Variants in THAP5 observed in about 807,000 individuals in gnomAD.
The protein encoded by THAP5 is THAP domain containing 5, also known as THAP domain-containing protein 5.
Under a neutral mutation model 34.0 loss-of-function variants are expected in THAP5, and 26 were observed. That is an observed-to-expected ratio of 0.77 (90% CI 0.56 to 1.06). The LOEUF (loss-of-function observed/expected upper bound fraction) is 1.06, where lower values mean the gene tolerates loss of function less well. Ranked by LOEUF, THAP5 falls within the 50% of genes least tolerant of loss-of-function variation. The probability of loss-of-function intolerance (pLI) is 0.00; values close to 1 mark genes in which losing one functional copy is unlikely to be tolerated. For missense variants in THAP5, 394 were observed against 452.8 expected (o/e 0.87, Z 1.18); for synonymous variants, 125 against 153.0 (o/e 0.82, Z 1.35).
Position 108,563,707 on chromosome 7 carries a change from G to C in THAP5, c.*484C>G, listed in dbSNP as rs1401979226. The C allele has an allele frequency of 6.6e-6, 1 of 152,372 alleles. No homozygotes were observed. The highest frequency in any genetic ancestry group is 2.4e-5 in the African/African-American group (1 of 41,316). 9.4% of individuals were successfully genotyped at this position (152,372 alleles called of 1,614,324 possible). Reference sequence around the variant, plus strand: ...AATTCTAGCCAACTTCTAGTATTACGTATATATTATCTTACAGAAAATGTG... The same window carrying C: ...AATTCTAGCCAACTTCTAGTATTACCTATATATTATCTTACAGAAAATGTG... On this transcript the variant is annotated 3_prime_UTR_variant, in exon 3 of 3. Coordinates refer to ENST00000415914, the MANE Select transcript of THAP5 (RefSeq NM_001130475.3).
At chr7:108,542,395 A>G in the THAP5 span, among the ~76,000 whole-genome samples, 1 of 152,166 alleles carries the variant, frequency 6.6e-6, no homozygotes, top group Non-Finnish European at 1.5e-5. Context: ...GCATTTTATT[A>G]TATTTCACAA....
intron 1 of THAP5, chr7:108,569,172 A>C: frequency 8.2e-7 from 1 of 1,224,094 alleles, no homozygotes; most frequent in Non-Finnish European, 1.0e-6. Flanking sequence ...AATGGTGGTT[A>C]ATGTTGTTCA....
At chr7:108,548,390 TAAAG>T in the THAP5 span, among the ~76,000 whole-genome samples, 1 of 151,846 alleles carries the variant, frequency 6.6e-6, no homozygotes, top group African/African-American at 2.4e-5. Flanking sequence ...AAAAAACAAG[TAAAG>T]AAGCAATAAT....
Position 108,564,951 on chromosome 7 carries a change from A to T in THAP5, c.428T>A (p.Leu143His). ...TDVPHQHPELLHSSSLVKPPA... is the reference protein window; with the variant it reads ...TDVPHQHPELHHSSSLVKPPA... The stretch of plus-strand genomic sequence containing the variant: ...TGGCTTTACCAAGGAAGATGAATGA[A>T]GTAATTCTGGATGTTGATGGGGCAC... The change falls in exon 3 of 3, where the codon CTT becomes CAT. Residue 143 changes from leucine to histidine, a missense_variant. Coordinates refer to ENST00000415914, the MANE Select transcript of THAP5 (RefSeq NM_001130475.3). 1 of 1,562,052 alleles carries T rather than the reference A, an allele frequency of 6.4e-7. No homozygotes were observed. The highest frequency in any genetic ancestry group is 8.7e-7 in the Non-Finnish European group (1 of 1,150,812).
At chr7:108,560,020 A>G (rs1864415131), downstream of THAP5, among the ~76,000 whole-genome samples, 1 of 152,202 alleles carries the variant, frequency 6.6e-6, no homozygotes, top group African/African-American at 2.4e-5. Flanking sequence ...TCTTCAGGTT[A>G]TTTCAGAATT....
At chr7:108,554,557 A>G (rs529815482) in exon 2 of THAP5, 4 of 152,344 alleles carry the variant, frequency 2.6e-5, no homozygotes, top group African/African-American at 9.6e-5. Context: ...ATGGAAATTA[A>G]TAACACTTTA....
Position 108,569,683 on chromosome 7 carries a change from T to A in THAP5, c.-114A>T. 1.4e-6 allele frequency: 2 copies of A among 1,392,286 alleles called. No individual in the cohort carries two copies. The highest frequency in any genetic ancestry group is 2.0e-6 in the Non-Finnish European group (2 of 1,025,166). 86.2% of individuals were successfully genotyped at this position (1,392,286 alleles called of 1,614,324 possible). On this transcript the variant is annotated 5_prime_UTR_variant, in exon 1 of 3. Coordinates refer to ENST00000415914, the MANE Select transcript of THAP5 (RefSeq NM_001130475.3). Reference sequence around the variant, plus strand: ...CGAGCCCCTGCGCCTGCGCTAGCATTCTGCCGGGAAAGCCGCCTCGTCTGT... The same window carrying A: ...CGAGCCCCTGCGCCTGCGCTAGCATACTGCCGGGAAAGCCGCCTCGTCTGT...
At chr7:108,550,698 C>G (rs1173424016), downstream of THAP5, among the ~76,000 whole-genome samples, 1 of 152,166 alleles carries the variant, frequency 6.6e-6, no homozygotes, top group Admixed American at 6.5e-5. Context: ...CTCACATGGT[C>G]TTTCTAGGAT....
Position 108,564,860 on chromosome 7 carries a change from A to G in THAP5, c.519T>C (p.Thr173=), listed in dbSNP as rs748975547. ...TTTCCAAGGTAGATTCTGGTTTCCC[A>G]GTATGTTGTTTAACTAGATTAAGAG... ...MLTLNLVKQH[T]GKPESTLETS... Residue 173 remains threonine (T), a synonymous_variant, in exon 3 of 3, where the codon ACT becomes ACC. Coordinates refer to ENST00000415914, the MANE Select transcript of THAP5 (RefSeq NM_001130475.3). 10 of 1,610,680 alleles carry G rather than the reference A, an allele frequency of 6.2e-6. No homozygotes were observed. The highest frequency in any genetic ancestry group is 3.3e-4 in the Middle Eastern group (2 of 6,076).
In THAP5 at chr7:108,569,590, A is replaced by G. The variant is rs1302465184; in HGVS notation, c.-21T>C. On this transcript the variant is annotated 5_prime_UTR_variant, in exon 1 of 3. Transcript: ENST00000415914. ...GGCATGACTCGGGTGAGGCCCCTGG[A>G]GACCGGGGCCGGCGACGGATGCAGG... 1.3e-6 allele frequency: 2 copies of G among 1,550,456 alleles called. No individual in the cohort carries two copies. Among genetic ancestry groups the G allele is most frequent in the East Asian group, 2.4e-5 (1 of 40,926 alleles).
Position 108,562,827 on chromosome 7 carries a change from TTAC to T in THAP5, c.*1361_*1363del, listed in dbSNP as rs1009201416. 3.9e-5 allele frequency: 6 copies of T among 152,194 alleles called. No individual in the cohort carries two copies. The highest frequency in any genetic ancestry group is 3.3e-4 in the Admixed American group (5 of 15,278). The allele number at this position is 152,194 out of a possible 1,614,324, so 9.4% of individuals were successfully genotyped here. ...AACAGTATTTTTATTTACATTACCA[TTAC>T]TTCTCTTTTCTAAGAGAAATTCTTT... On this transcript the variant is annotated 3_prime_UTR_variant, in exon 3 of 3. Coordinates refer to ENST00000415914, the MANE Select transcript of THAP5 (RefSeq NM_001130475.3).
the THAP5 span, among the ~76,000 whole-genome samples, chr7:108,542,526 G>A: frequency 1.7e-3 from 263 of 152,240 alleles, no homozygotes; most frequent in African/African-American, 6.1e-3. Context: ...GCAGTGGCAC[G>A]ATCTCGGCTC....
chr7:108,564,520 A>C lies in THAP5; in HGVS notation c.859T>G (p.Ser287Ala). Residue 287 changes from serine to alanine, a missense_variant, in exon 3 of 3, where the codon TCT becomes GCT. Coordinates refer to ENST00000415914, the MANE Select transcript of THAP5 (RefSeq NM_001130475.3). ...GTTTCTTTTTGTGCAGATATAAAAG[A>C]ATTAACTGAGGGTTTAGAATTTTCA... ...PAENSKPSVN[S>A]FISAQKETTE... The C allele has an allele frequency of 6.2e-7, 1 of 1,613,904 alleles. No individual in the cohort carries two copies. Among genetic ancestry groups the C allele is most frequent in the Non-Finnish European group, 8.5e-7 (1 of 1,179,908 alleles).
At chr7:108,542,619 C>T in the THAP5 span, among the ~76,000 whole-genome samples, 12 of 152,248 alleles carry the variant, frequency 7.9e-5, no homozygotes, top group Admixed American at 1.3e-4. Context: ...TGTGCCACCA[C>T]GCCCAGCTAA....
At chr7:108,561,312 G>GTCAC, downstream of THAP5, among the ~76,000 whole-genome samples, 1 of 151,540 alleles carries the variant, frequency 6.6e-6, no homozygotes, top group South Asian at 2.1e-4. Flanking sequence ...TGCCCAGGCT[G>GTCAC]GAATGCAGTG....
downstream of THAP5, among the ~76,000 whole-genome samples, chr7:108,557,579 C>G (rs956759088): frequency 5.9e-5 from 9 of 152,222 alleles, no homozygotes; most frequent in Non-Finnish European, 5.9e-5. Context: ...GACCTTTATT[C>G]CAGTTCCCAA....
At position 108,565,819 on chromosome 7, in the gene THAP5, T is replaced by C. The variant is rs907912471; in HGVS notation, c.273+11A>G. The C allele has an allele frequency of 6.5e-7, 1 of 1,533,282 alleles. No individual in the cohort carries two copies. Among genetic ancestry groups the C allele is most frequent in the Non-Finnish European group, 8.8e-7 (1 of 1,139,688 alleles). 95.0% of individuals were successfully genotyped at this position (1,533,282 alleles called of 1,614,324 possible). Reference sequence around the variant, plus strand: ...TCTGCTCAGCATTACCCCTCTCCCATACTGCAATACCTGATTGTCTTCAGG... The same window carrying C: ...TCTGCTCAGCATTACCCCTCTCCCACACTGCAATACCTGATTGTCTTCAGG... On this transcript the variant is annotated intron_variant, in intron 2 of 2. Coordinates refer to ENST00000415914, the MANE Select transcript of THAP5 (RefSeq NM_001130475.3).
At chr7:108,544,892 C>T in the THAP5 span, among the ~76,000 whole-genome samples, 1 of 152,086 alleles carries the variant, frequency 6.6e-6, no homozygotes, top group African/African-American at 2.4e-5. Context: ...CTCCTGGGCT[C>T]AAGCAGTCTG....
At chr7:108,569,710 G>A (rs1025696878), upstream of THAP5, 6 of 1,125,892 alleles carry the variant, frequency 5.3e-6, no homozygotes, top group Admixed American at 4.7e-5. Flanking sequence ...CTCGTCTGTC[G>A]ACTCACTTCC....
Sources: allele counts gnomAD v4.1 joint callset (sites outside exome capture counted in the v4.1 genomes callset), GRCh38; gene constraint gnomAD v4.1.1; transcripts MANE v1.5; gene names NCBI Gene and HGNC (gene_info 2026-07-23, HGNC 2026-07-21).